CSNK1G1: variants seen among roughly 807,000 people sequenced by gnomAD.
CSNK1G1 encodes casein kinase I isoform gamma-1.
In CSNK1G1, 22 loss-of-function variants were observed where a neutral mutation model predicts 59.6. The ratio of observed to expected loss-of-function variants is 0.37; its 90% CI spans 0.26 to 0.53. CSNK1G1 has a LOEUF of 0.53. Ranked by LOEUF, CSNK1G1 falls within the 20% of genes least tolerant of loss-of-function variation. The pLI is 0.89. For synonymous variants in CSNK1G1, 179 were observed against 177.1 expected (o/e 1.01, Z -0.08); for missense variants, 384 against 519.5 (o/e 0.74, Z 2.54).
chr15:64,270,518 G>A lies in CSNK1G1; in HGVS notation c.182-11277C>T, dbSNP rs1357720610. Among the ~76,000 whole-genome samples the A allele has an allele frequency of 5.3e-5, 8 of 152,222 alleles. No individual in the cohort carries two copies. The East Asian group carries it at 1.5e-3, about 29-fold the overall frequency. Reference sequence around the variant, plus strand: ...CTCACGCCTGTAATCTCAGCACTTTGGGAGGCCGAGATGGGCGGATCACGA... The same window carrying A: ...CTCACGCCTGTAATCTCAGCACTTTAGGAGGCCGAGATGGGCGGATCACGA... On this transcript the variant is annotated intron_variant, in intron 2 of 11. Transcript: ENST00000303052.
chr15:64,271,071 C>G (rs1478159927), intron 2 of CSNK1G1, among the ~76,000 whole-genome samples: 1 of 152,112 alleles, frequency 6.6e-6, no homozygotes, highest in Non-Finnish European at 1.5e-5. Context: ...CAACCTCTGC[C>G]TCCTGCGTTC....
intron 1 of CSNK1G1, among the ~76,000 whole-genome samples, chr15:64,314,582 A>C (rs1361730369): frequency 1.3e-5 from 2 of 151,758 alleles, no homozygotes; most frequent in Non-Finnish European, 2.9e-5. Context: ...AAAAAAAAAA[A>C]ACATATCCCT....
At chr15:64,303,311 A>C (rs202187644) in intron 1 of CSNK1G1, among the ~76,000 whole-genome samples, 7 of 127,154 alleles carry the variant, frequency 5.5e-5, no homozygotes, top group East Asian at 4.7e-4. Flanking sequence ...AAAAAAAAAA[A>C]CCCTATAGAA....
At chr15:64,256,043 T>C (rs1259640083) in intron 3 of CSNK1G1, among the ~76,000 whole-genome samples, 1 of 152,246 alleles carries the variant, frequency 6.6e-6, no homozygotes, top group East Asian at 1.9e-4. Context: ...AGAGGTATCA[T>C]ATCACTCTTA....
At chr15:64,312,185 A>T (rs570293785) in intron 1 of CSNK1G1, among the ~76,000 whole-genome samples, 4 of 152,342 alleles carry the variant, frequency 2.6e-5, no homozygotes, top group African/African-American at 9.6e-5. Context: ...TGCCCAAAGT[A>T]ATTTATGGAT....
At position 64,210,773 on chromosome 15, in the gene CSNK1G1, C is replaced by T. The variant is rs954108620; in HGVS notation, c.679+3117G>A. Among the ~76,000 whole-genome samples, 1 of 152,152 alleles carries T rather than the reference C, an allele frequency of 6.6e-6. No homozygotes were observed. The highest frequency in any genetic ancestry group is 1.5e-5 in the Non-Finnish European group (1 of 68,028). ...GATTTCTGTCCTTCCCCCGGACCCC[C>T]CAACACACACAAACCTCACGTTGAA... On this transcript the variant is annotated intron_variant, in intron 6 of 11. Coordinates refer to ENST00000303052, the MANE Select transcript of CSNK1G1 (RefSeq NM_022048.5). The surrounding 1 kb of genome is among the most constrained non-coding windows in gnomAD (Gnocchi z 4.2).
intron 1 of CSNK1G1, among the ~76,000 whole-genome samples, chr15:64,353,406 G>T (rs1377321616): frequency 1.3e-5 from 2 of 152,064 alleles, no homozygotes; most frequent in Non-Finnish European, 1.5e-5. Flanking sequence ...CAGCACTTTG[G>T]GAGGCTGAGG....
chr15:64,188,598 T>A lies in CSNK1G1; in HGVS notation c.1108-8144A>T. Reference sequence around the variant, plus strand: ...TCCCTGTAGGTTTTTCTTTCGGTTTTGGATTTTAAACTAACAACCACTGGA... The same window carrying A: ...TCCCTGTAGGTTTTTCTTTCGGTTTAGGATTTTAAACTAACAACCACTGGA... On this transcript the variant is annotated intron_variant, in intron 10 of 11. Transcript: ENST00000303052. The surrounding 1 kb of genome is among the most constrained non-coding windows in gnomAD (Gnocchi z 4.2). 1.3e-6 allele frequency: 1 copy of A among 788,848 alleles called. No individual in the cohort carries two copies. The highest frequency in any genetic ancestry group is 2.0e-6 in the Non-Finnish European group (1 of 495,972). The allele number at this position is 788,848 out of a possible 1,614,324, so 48.9% of individuals were successfully genotyped here.
intron 4 of CSNK1G1, among the ~76,000 whole-genome samples, chr15:64,248,201 T>C (rs929476071): frequency 6.6e-6 from 1 of 152,160 alleles, no homozygotes; most frequent in African/African-American, 2.4e-5. Context: ...GCTGAGAACT[T>C]ACTCTGAAAA....
intron 4 of CSNK1G1, among the ~76,000 whole-genome samples, chr15:64,226,109 C>T (rs1474644659): frequency 6.6e-6 from 1 of 152,210 alleles, no homozygotes; most frequent in Non-Finnish European, 1.5e-5. Context: ...AGAACTTGGA[C>T]AACTCACAGT....
At chr15:64,268,474 GA>G (rs1388120283) in intron 2 of CSNK1G1, among the ~76,000 whole-genome samples, 1 of 151,942 alleles carries the variant, frequency 6.6e-6, no homozygotes, top group Non-Finnish European at 1.5e-5. Context: ...ACACTGATGA[GA>G]AAAAAAATCA....
At chr15:64,211,145 CTAAG>C (rs1020854213) in intron 6 of CSNK1G1, among the ~76,000 whole-genome samples, 2 of 152,190 alleles carry the variant, frequency 1.3e-5, no homozygotes, top group African/African-American at 2.4e-5. Flanking sequence ...ACAAAATGGA[CTAAG>C]TAAGTGTGGC....
At chr15:64,326,519 C>G (rs2140449184) in intron 1 of CSNK1G1, among the ~76,000 whole-genome samples, 1 of 152,092 alleles carries the variant, frequency 6.6e-6, no homozygotes, top group South Asian at 2.1e-4. Context: ...TGGCAGGCAC[C>G]TTTAATCCCA....
intron 1 of CSNK1G1, among the ~76,000 whole-genome samples, chr15:64,346,422 T>A (rs571187176): frequency 1.2e-4 from 16 of 137,512 alleles, no homozygotes; most frequent in East Asian, 6.2e-4. Flanking sequence ...GGAAACGAGT[T>A]TTTATTTATT....
At chr15:64,317,022 C>T (rs1324719923) in intron 1 of CSNK1G1, 1 of 152,146 alleles carries the variant, frequency 6.6e-6, no homozygotes, top group African/African-American at 2.4e-5. Flanking sequence ...GGGGTTTTGT[C>T]TGCGGCTTGT....
chr15:64,300,199 C>T, intron 2 of CSNK1G1, 120 bp downstream of exon 2: 1 of 883,636 alleles, frequency 1.1e-6, no homozygotes, highest in African/African-American at 1.7e-5. Context: ...TATTTCTTAA[C>T]AACAGGTTCT....
chr15:64,202,631 C>T (rs2082123134), intron 10 of CSNK1G1, among the ~76,000 whole-genome samples: 1 of 151,730 alleles, frequency 6.6e-6, no homozygotes, highest in African/African-American at 2.4e-5. Flanking sequence ...TGGCTCTCTG[C>T]TGCCTTGACT....
At chr15:64,286,166 C>T (rs555637091) in intron 2 of CSNK1G1, among the ~76,000 whole-genome samples, 6 of 152,186 alleles carry the variant, frequency 3.9e-5, no homozygotes, top group African/African-American at 1.4e-4. Context: ...CTGCCCAGCT[C>T]GAGCCTTAAA....
In CSNK1G1 at chr15:64,210,414, AC is replaced by A. The variant is rs2082235867; in HGVS notation, c.680-2821del. Reference sequence around the variant, plus strand: ...GCTTTATTTTCATACGACTTTGAACACTCCACACTTGTCCAATTCATTATTT... The same window carrying A: ...GCTTTATTTTCATACGACTTTGAACATCCACACTTGTCCAATTCATTATTT... On this transcript the variant is annotated intron_variant, in intron 6 of 11. Coordinates refer to ENST00000303052, the MANE Select transcript of CSNK1G1 (RefSeq NM_022048.5). This position sits in a 1 kb window ranked among gnomAD's most constrained non-coding sequence, Gnocchi z 4.2. 6.6e-6 allele frequency among the ~76,000 whole-genome samples: 1 copy of A among 151,966 alleles called. No individual in the cohort carries two copies. Among genetic ancestry groups the A allele is most frequent in the South Asian group, 2.1e-4 (1 of 4,810 alleles).
Sources: allele counts gnomAD v4.1 joint callset (sites outside exome capture counted in the v4.1 genomes callset), GRCh38; gene constraint gnomAD v4.1.1; non-coding constraint Gnocchi (gnomAD v3.1); transcripts MANE v1.5; gene names NCBI Gene and HGNC (gene_info 2026-07-23, HGNC 2026-07-21).